Variants in DDR2 observed in about 807,000 individuals in gnomAD.
DDR2 encodes the protein discoidin domain-containing receptor 2.
DDR2 carries 27 observed loss-of-function variants against 94.9 expected under a neutral mutation model. The observed-to-expected ratio is 0.28, with a 90% CI of 0.21 to 0.39. The LOEUF (loss-of-function observed/expected upper bound fraction) is 0.39, where lower values mean the gene tolerates loss of function less well. Among genes scored for constraint, DDR2 ranks in the 10% least tolerant of loss-of-function variants. The pLI is 1.00. For synonymous variants in DDR2, 382 were observed against 377.2 expected (o/e 1.01, Z -0.15); for missense variants, 783 against 1,076.0 (o/e 0.73, Z 3.81).
chr1:162,747,619 G>A (rs1662949730), intron 3 of DDR2, among the ~76,000 whole-genome samples: 1 of 152,118 alleles, frequency 6.6e-6, no homozygotes, highest in African/African-American at 2.4e-5. Flanking sequence ...AGCAAGGCAG[G>A]CCAACATTCA....
chr1:162,720,809 A>G lies in DDR2; in HGVS notation c.82+1664A>G, dbSNP rs146885896. The stretch of plus-strand genomic sequence containing the variant: ...GTTCCATGCTATATTTTGATTCTTG[A>G]GGGTGCTTTAATTTTGTCCTCTTCA... On this transcript the variant is annotated intron_variant, in intron 3 of 17. Coordinates refer to ENST00000367921, the MANE Select transcript of DDR2 (RefSeq NM_006182.4). Among the ~76,000 whole-genome samples the G allele has an allele frequency of 2.2e-3, 335 of 152,180 alleles. 3 individuals carry two copies. The highest frequency in any genetic ancestry group is 7.7e-3 in the African/African-American group (320 of 41,534).
intron 3 of DDR2, among the ~76,000 whole-genome samples, chr1:162,748,144 G>A (rs189228516): frequency 2.6e-5 from 4 of 152,150 alleles, no homozygotes; most frequent in African/African-American, 7.2e-5. Flanking sequence ...AAATTCACAT[G>A]TAACAATATT....
intron 1 of DDR2, among the ~76,000 whole-genome samples, chr1:162,637,174 A>T (rs979349167): frequency 3.9e-5 from 6 of 152,138 alleles, no homozygotes; most frequent in African/African-American, 1.4e-4. Flanking sequence ...AGTTACAAGC[A>T]TTTATAAGCA....
Position 162,641,902 on chromosome 1 carries a change from G to A in DDR2, c.-192+9271G>A, listed in dbSNP as rs533606891. Among the ~76,000 whole-genome samples the A allele has an allele frequency of 1.5e-3, 235 of 151,960 alleles. 4 individuals carry two copies. Among genetic ancestry groups the A allele is most frequent in the African/African-American group, 5.2e-3 (217 of 41,476 alleles). ...AACAGATAAGCTTATGTGAAAACTC[G>A]GTTTGTATTGGGTCTATATTATATA... is the stretch of plus-strand genomic sequence containing the variant. On this transcript the variant is annotated intron_variant, in intron 1 of 17. Coordinates refer to ENST00000367921, the MANE Select transcript of DDR2 (RefSeq NM_006182.4).
chr1:162,725,284 C>T (rs1322682126), intron 3 of DDR2, among the ~76,000 whole-genome samples: 3 of 152,210 alleles, frequency 2.0e-5, no homozygotes, highest in African/African-American at 7.2e-5. Flanking sequence ...GCATTCGACT[C>T]TGCTCCAGCA....
chr1:162,688,846 G>A (rs1659820017), intron 2 of DDR2, among the ~76,000 whole-genome samples: 1 of 152,166 alleles, frequency 6.6e-6, no homozygotes, highest in Non-Finnish European at 1.5e-5. Flanking sequence ...TGTGTCCCTT[G>A]GCACCTGCCA....
At position 162,670,102 on chromosome 1, in the gene DDR2, A is replaced by T. The variant is rs2101935696; in HGVS notation, c.-28+14728A>T. On this transcript the variant is annotated intron_variant, in intron 2 of 17. Transcript: ENST00000367921. ...TATATAGATGATTTGCTTTGTAAAC[A>T]TTTGTTTTGTTTGTTTGTTTGTTTT... 1.3e-5 allele frequency among the ~76,000 whole-genome samples: 2 copies of T among 152,202 alleles called. 1 individual carries two copies. Among genetic ancestry groups the T allele is most frequent in the East Asian group, 3.9e-4 (2 of 5,174 alleles).
rs1171402635 is a variant in DDR2, at chr1:162,786,564, A to G, written c.*6318A>G. 6.6e-6 allele frequency: 1 copy of G among 152,244 alleles called. No individual in the cohort carries two copies. The highest frequency in any genetic ancestry group is 1.9e-4 in the East Asian group (1 of 5,198). 9.4% of individuals were successfully genotyped at this position (152,244 alleles called of 1,614,324 possible). A position where few individuals can be genotyped will look rare whatever the true frequency, so the allele number is the denominator to read the frequency against. ...TGTAAATAACAATGATTAAAGAGTC[A>G]TGCTACTGATGGATCTCCCTTTCTG... is the stretch of plus-strand genomic sequence containing the variant. On this transcript the variant is annotated 3_prime_UTR_variant, in exon 18 of 18. Transcript: ENST00000367921.
chr1:162,721,492 A>G (rs1009353098), intron 3 of DDR2, among the ~76,000 whole-genome samples: 30 of 152,200 alleles, frequency 2.0e-4, no homozygotes, highest in Non-Finnish European at 2.5e-4. Context: ...TTTGAGGCAG[A>G]TGAGACATTT....
rs761225065 is a variant in DDR2, at chr1:162,773,534, T to C, written c.1794T>C (p.Ser598=). The C allele has an allele frequency of 3.7e-6, 6 of 1,614,152 alleles. No homozygotes were observed. The highest frequency in any genetic ancestry group is 1.1e-5 in the South Asian group (1 of 91,086). ...ACAAAGATTTTGCCCTAGATGTCAG[T>C]GCCAACCAGCCTGTCCTGGTGGCTG... ...FKDKDFALDV[S]ANQPVLVAVK... Residue 598 remains serine, a synonymous_variant, in exon 14 of 18, where the codon AGT becomes AGC. Transcript: ENST00000367921.
chr1:162,778,406 A>G (rs1306720212), intron 16 of DDR2, among the ~76,000 whole-genome samples, 174 bp from the exon 17 acceptor site: 1 of 152,142 alleles, frequency 6.6e-6, no homozygotes, highest in Non-Finnish European at 1.5e-5. Flanking sequence ...AACCAAGCTG[A>G]GATCATGAGA....
intron 2 of DDR2, among the ~76,000 whole-genome samples, chr1:162,673,257 C>A (rs1287413606): frequency 6.6e-6 from 1 of 152,090 alleles, no homozygotes; most frequent in Admixed American, 6.6e-5. Context: ...AGGTGGGGCC[C>A]CAGTTCAGAA....
Position 162,785,020 on chromosome 1 carries a change from T to C in DDR2, c.*4774T>C, listed in dbSNP as rs1648093564. On this transcript the variant is annotated 3_prime_UTR_variant, in exon 18 of 18. Transcript: ENST00000367921. ...TAAAGTTCTACAGTTTTAGAGAGAC[T>C]ATTAACACATTAATGTGTTCCTTTG... 6.6e-6 allele frequency: 1 copy of C among 152,246 alleles called. No individual in the cohort carries two copies. The allele number at this position is 152,246 out of a possible 1,614,324, so 9.4% of individuals were successfully genotyped here.
At chr1:162,725,252 A>G (rs1022216090) in intron 3 of DDR2, among the ~76,000 whole-genome samples, 4 of 152,220 alleles carry the variant, frequency 2.6e-5, no homozygotes, top group African/African-American at 9.6e-5. Flanking sequence ...CAGGTTACAG[A>G]GAAAGCTAAG....
chr1:162,695,382 C>G (rs974081669), intron 2 of DDR2, among the ~76,000 whole-genome samples: 1 of 152,168 alleles, frequency 6.6e-6, no homozygotes, highest in South Asian at 2.1e-4. Flanking sequence ...CAGGCAGTAG[C>G]CACCACGCCG....
chr1:162,772,313 CAA>C, intron 13 of DDR2, 66 bp downstream of exon 13: 10 of 1,496,882 alleles, frequency 6.7e-6, no homozygotes, highest in African/African-American at 1.4e-5. Context: ...ATCAGTAGAA[CAA>C]AGAGTCCCTT....
intron 2 of DDR2, among the ~76,000 whole-genome samples, chr1:162,703,456 G>A (rs1660519824): frequency 6.6e-6 from 1 of 152,180 alleles, no homozygotes; most frequent in Non-Finnish European, 1.5e-5. Context: ...AGAAGAGGGT[G>A]TGTGCCAGAG....
chr1:162,763,078 C>A (rs947086852), intron 9 of DDR2, among the ~76,000 whole-genome samples: 14 of 152,026 alleles, frequency 9.2e-5, no homozygotes, highest in Middle Eastern at 3.2e-3. Context: ...CTCAAGTGAT[C>A]CGCCTGCCTT....
At chr1:162,756,245 C>G (rs1183193726) in intron 7 of DDR2, among the ~76,000 whole-genome samples, 1 of 152,062 alleles carries the variant, frequency 6.6e-6, no homozygotes, top group Non-Finnish European at 1.5e-5. Context: ...AAGGAAAGTT[C>G]TAGGTTAAGA....
Sources: gnomAD v4.1 joint callset for allele counts (sites outside exome capture counted in the v4.1 genomes callset) on GRCh38, gnomAD v4.1.1 for gene constraint, MANE v1.5 for transcripts, NCBI Gene and HGNC (gene_info 2026-07-23, HGNC 2026-07-21) for gene names.